Variants in CSNK1G1 observed in about 807,000 individuals in gnomAD.
The protein encoded by CSNK1G1 is casein kinase I isoform gamma-1.
Under a neutral mutation model 59.6 loss-of-function variants are expected in CSNK1G1, and 22 were observed. The observed-to-expected ratio is 0.37, with a 90% CI of 0.26 to 0.53. CSNK1G1 has a LOEUF of 0.53. Ranked by LOEUF, CSNK1G1 falls within the 20% of genes least tolerant of loss-of-function variation. CSNK1G1 has a pLI of 0.89. For missense variants in CSNK1G1, 384 were observed against 519.5 expected (o/e 0.74, Z 2.54); for synonymous variants, 179 against 177.1 (o/e 1.01, Z -0.08).
At chr15:64,316,941 T>G (rs1430533971) in intron 1 of CSNK1G1, 1 of 152,158 alleles carries the variant, frequency 6.6e-6, no homozygotes, top group Non-Finnish European at 1.5e-5. Flanking sequence ...AATTGCTCAC[T>G]TGGAGAGCTT....
At chr15:64,215,625 C>A (rs561721679) in intron 5 of CSNK1G1, among the ~76,000 whole-genome samples, 1 of 152,276 alleles carries the variant, frequency 6.6e-6, no homozygotes, top group South Asian at 2.1e-4. Flanking sequence ...GTGGGAGAGA[C>A]CATTACCATT....
At chr15:64,197,526 T>C (rs2082053478) in intron 10 of CSNK1G1, among the ~76,000 whole-genome samples, 1 of 152,226 alleles carries the variant, frequency 6.6e-6, no homozygotes, top group South Asian at 2.1e-4. Flanking sequence ...CAGCTTTGAC[T>C]CTTCCTTCTC....
chr15:64,330,457 C>T (rs1424840467), intron 1 of CSNK1G1, among the ~76,000 whole-genome samples: 1 of 148,688 alleles, frequency 6.7e-6, no homozygotes, highest in East Asian at 2.0e-4. Context: ...CAGAAAAGGC[C>T]TTTGACAAAA....
chr15:64,234,077 G>C (rs1014333180), intron 4 of CSNK1G1, among the ~76,000 whole-genome samples: 7 of 152,016 alleles, frequency 4.6e-5, no homozygotes, highest in African/African-American at 1.7e-4. Context: ...CCATAAGATA[G>C]AGCTGGTTTT....
chr15:64,222,011 G>C (rs953422786), intron 4 of CSNK1G1, among the ~76,000 whole-genome samples: 1 of 152,020 alleles, frequency 6.6e-6, no homozygotes, highest in African/African-American at 2.4e-5. Context: ...CAATAGCAAA[G>C]ACATGGAACC....
At position 64,172,003 on chromosome 15, in the gene CSNK1G1, T is replaced by C. The variant is rs375915917; in HGVS notation, c.1215-18A>G. 1.2e-4 allele frequency: 199 copies of C among 1,612,768 alleles called. No homozygotes were observed. The highest frequency in any genetic ancestry group is 1.6e-4 in the Non-Finnish European group (185 of 1,179,148). ...AGCAGCACCTGGAGCACAAGGAACA[T>C]TGCAAGTCAGTGCGGGAGGCCTGCA... is the stretch of plus-strand genomic sequence containing the variant. On this transcript the variant is annotated intron_variant, in intron 11 of 11. Coordinates refer to ENST00000303052, the MANE Select transcript of CSNK1G1 (RefSeq NM_022048.5).
At chr15:64,309,051 C>A (rs903272826) in intron 1 of CSNK1G1, among the ~76,000 whole-genome samples, 10 of 152,108 alleles carry the variant, frequency 6.6e-5, no homozygotes, top group Non-Finnish European at 1.5e-4. Context: ...GGACCTGGGT[C>A]CTCCTTTATC....
Position 64,194,042 on chromosome 15 carries a change from A to G in CSNK1G1, c.1107+9040T>C, listed in dbSNP as rs112753548. On this transcript the variant is annotated intron_variant, in intron 10 of 11. Transcript: ENST00000303052. ...AGAAGACGCTAAGGAATCTATTTTC[A>G]GTTTTGCACTTGCTTGTTTCAAAGC... is the stretch of plus-strand genomic sequence containing the variant. 6.2e-3 allele frequency: 952 copies of G among 152,490 alleles called. 11 individuals are homozygous for G. The highest frequency in any genetic ancestry group is 0.015 in the African/African-American group (610 of 41,580). 9.4% of individuals were successfully genotyped at this position (152,490 alleles called of 1,614,324 possible).
In CSNK1G1 at chr15:64,169,779, G is replaced by GA. The variant is rs2081644258; in HGVS notation, c.*2151dup. The stretch of plus-strand genomic sequence containing the variant: ...TGTTTCATATATAGAAACATTTATA[G>GA]AAATGACATATTACCATCTTTTCAT... On this transcript the variant is annotated 3_prime_UTR_variant, in exon 12 of 12. Transcript: ENST00000303052. 1 of 152,140 alleles carries GA rather than the reference G, an allele frequency of 6.6e-6. No homozygotes were observed. 9.4% of individuals were successfully genotyped at this position (152,140 alleles called of 1,614,324 possible).
At chr15:64,235,309 T>G (rs183605420) in intron 4 of CSNK1G1, among the ~76,000 whole-genome samples, 55 of 152,338 alleles carry the variant, frequency 3.6e-4, no homozygotes, top group Non-Finnish European at 6.3e-4. Flanking sequence ...AGAACATATA[T>G]AGCTGCTCTA....
chr15:64,326,981 C>T (rs1219808600), intron 1 of CSNK1G1, among the ~76,000 whole-genome samples: 10 of 151,126 alleles, frequency 6.6e-5, no homozygotes, highest in East Asian at 2.0e-4. Context: ...TAAAAAACGG[C>T]GCACCACGAG....
chr15:64,175,366 T>A (rs1283293715), intron 11 of CSNK1G1, among the ~76,000 whole-genome samples: 1 of 152,008 alleles, frequency 6.6e-6, no homozygotes, highest in East Asian at 1.9e-4. Flanking sequence ...TACCTCCATA[T>A]AGAGCATGAC....
chr15:64,346,199 T>C (rs1008595891), intron 1 of CSNK1G1, among the ~76,000 whole-genome samples: 41 of 151,688 alleles, frequency 2.7e-4, no homozygotes, highest in African/African-American at 8.7e-4. Flanking sequence ...CTGGGCAATA[T>C]AGTGAGACCT....
chr15:64,235,156 T>C (rs536393969), intron 4 of CSNK1G1, among the ~76,000 whole-genome samples: 8 of 152,250 alleles, frequency 5.3e-5, no homozygotes, highest in African/African-American at 1.9e-4. Context: ...TATCCAAGTG[T>C]TTTGTTCTAA....
chr15:64,315,527 G>T lies in CSNK1G1; in HGVS notation c.-224-14804C>A, dbSNP rs1016223095. ...TGACCTATTCAGTGGAGTCAAACTG[G>T]AATTACTTGCCTTAGTAAAGGCAAT... On this transcript the variant is annotated intron_variant, in intron 1 of 11. Coordinates refer to ENST00000303052, the MANE Select transcript of CSNK1G1 (RefSeq NM_022048.5). 7.2e-5 allele frequency among the ~76,000 whole-genome samples: 11 copies of T among 152,172 alleles called. No homozygotes were observed. The South Asian group carries it at 1.2e-3, about 17-fold the overall frequency.
intron 3 of CSNK1G1, among the ~76,000 whole-genome samples, chr15:64,254,259 G>A (rs1892248889): frequency 6.6e-6 from 1 of 152,084 alleles, no homozygotes; most frequent in Admixed American, 6.6e-5. Context: ...GTGTTTAACA[G>A]ATACAAAATT....
chr15:64,282,729 G>A (rs913272890), intron 2 of CSNK1G1, among the ~76,000 whole-genome samples: 12 of 152,100 alleles, frequency 7.9e-5, no homozygotes, highest in African/African-American at 2.9e-4. Flanking sequence ...TTGAGAAATT[G>A]TCAGACTGTT....
intron 10 of CSNK1G1, chr15:64,181,148 T>A (rs767572145): frequency 6.8e-7 from 1 of 1,479,216 alleles, no homozygotes. Flanking sequence ...AGAGGGAAGA[T>A]GGTAAAAAAA....
At chr15:64,266,817 G>A (rs1893013132) in intron 2 of CSNK1G1, among the ~76,000 whole-genome samples, 1 of 152,058 alleles carries the variant, frequency 6.6e-6, no homozygotes, top group South Asian at 2.1e-4. Flanking sequence ...ACACATAGAA[G>A]GAAGAAAGTA....
Sources: gnomAD v4.1 joint callset for allele counts (sites outside exome capture counted in the v4.1 genomes callset) on GRCh38, gnomAD v4.1.1 for gene constraint, MANE v1.5 for transcripts, NCBI Gene and HGNC (gene_info 2026-07-23, HGNC 2026-07-21) for gene names.